KCNJ16: variants seen among roughly 807,000 people sequenced by gnomAD.
KCNJ16 encodes inward rectifier potassium channel 16.
KCNJ16 carries 15 observed loss-of-function variants against 18.5 expected under a neutral mutation model. The ratio of observed to expected loss-of-function variants is 0.81; its 90% CI spans 0.54 to 1.25. The LOEUF (loss-of-function observed/expected upper bound fraction) is 1.25, where lower values mean the gene tolerates loss of function less well. Ranked by LOEUF, KCNJ16 falls within the 50% of genes most tolerant of loss-of-function variation. KCNJ16 has a pLI of 0.00. For missense variants in KCNJ16, 523 were observed against 525.7 expected, an observed-to-expected ratio of 0.99 and a Z score of 0.05; for synonymous variants, 174 against 186.5, an observed-to-expected ratio of 0.93 and a Z score of 0.55.
chr17:70,117,752 A>G (rs150230086), intron 2 of KCNJ16, among the ~76,000 whole-genome samples: 14 of 152,326 alleles, frequency 9.2e-5, no homozygotes, highest in African/African-American at 3.1e-4. Context: ...GTGCCTATAT[A>G]TCACATATTG....
chr17:70,095,870 C>CTCTTTTTTT (rs1567784556), intron 1 of KCNJ16, among the ~76,000 whole-genome samples: 1 of 95,390 alleles, frequency 1.0e-5, no homozygotes, highest in African/African-American at 4.1e-5. Context: ...TTACTTAATC[C>CTCTTTTTTT]TTTTTTTTTT....
Position 70,134,517 on chromosome 17 carries a change from A to AT in KCNJ16, c.*1174dup, listed in dbSNP as rs2074166652. On this transcript the variant is annotated 3_prime_UTR_variant, in exon 4 of 4. Transcript: ENST00000392671. ...ACAGTAAGTGGATAATCTGAGTACAATGAAATTTCTTAAGTTTTAGAACAT... is the reference window on the plus strand; with the variant it reads ...ACAGTAAGTGGATAATCTGAGTACAATTGAAATTTCTTAAGTTTTAGAACAT... 1 of 166,988 alleles carries AT rather than the reference A, an allele frequency of 6.0e-6. No individual in the cohort carries two copies. Among genetic ancestry groups the AT allele is most frequent in the South Asian group, 2.1e-4 (1 of 4,828 alleles). The allele number at this position is 166,988 out of a possible 1,614,324, so 10.3% of individuals were successfully genotyped here. A position where few individuals can be genotyped will look rare whatever the true frequency, so the allele number is the denominator to read the frequency against.
At chr17:70,112,125 T>C (rs2144020449) in intron 2 of KCNJ16, among the ~76,000 whole-genome samples, 1 of 152,310 alleles carries the variant, frequency 6.6e-6, no homozygotes, top group Admixed American at 6.5e-5. Flanking sequence ...CAGGTGCCCC[T>C]GGGACCAAGA....
chr17:70,084,410 G>A (rs111744525), intron 1 of KCNJ16, among the ~76,000 whole-genome samples: 16 of 152,090 alleles, frequency 1.1e-4, no homozygotes, highest in African/African-American at 3.4e-4. Flanking sequence ...ATGATAGAAC[G>A]GCTTGCTTCT....
intron 2 of KCNJ16, among the ~76,000 whole-genome samples, chr17:70,102,707 C>T (rs2072699581): frequency 6.6e-6 from 1 of 152,108 alleles, no homozygotes; most frequent in African/African-American, 2.4e-5. Context: ...CATTTTTCTA[C>T]CCCATTTGAC....
rs2073112790 is a variant in KCNJ16 at position 70,109,974 on chromosome 17, A to T, written c.-191+9208A>T. Among the ~76,000 whole-genome samples the T allele has an allele frequency of 1.3e-5, 2 of 152,136 alleles. 1 individual carries two copies. The highest frequency in any genetic ancestry group is 4.1e-4 in the South Asian group (2 of 4,830). On this transcript the variant is annotated intron_variant, in intron 2 of 3. Coordinates refer to ENST00000392671, the MANE Select transcript of KCNJ16 (RefSeq NM_170741.4). ...GGCCATCTGCACCTACAATGTCAGG[A>T]GATATACCCTCTTCAAAGGGGAAGG...
chr17:70,103,714 A>AT (rs564983452), intron 2 of KCNJ16, among the ~76,000 whole-genome samples: 159 of 152,072 alleles, frequency 1.0e-3, no homozygotes, highest in African/African-American at 3.6e-3. Context: ...TTCCAATCTT[A>AT]TATTTCCATT....
At chr17:70,085,337 A>G (rs966526648) in intron 1 of KCNJ16, among the ~76,000 whole-genome samples, 5 of 152,238 alleles carry the variant, frequency 3.3e-5, no homozygotes, top group Non-Finnish European at 7.3e-5. Context: ...TTCGGTCTTC[A>G]TAACAGACTT....
At chr17:70,123,966 C>T (rs147936516) in intron 2 of KCNJ16, among the ~76,000 whole-genome samples, 227 of 152,286 alleles carry the variant, frequency 1.5e-3, no homozygotes, top group Non-Finnish European at 2.9e-3. Context: ...AATGCAGATG[C>T]GTTCCTGTAA....
At chr17:70,092,553 G>C (rs1287156672) in intron 1 of KCNJ16, among the ~76,000 whole-genome samples, 4 of 67,758 alleles carry the variant, frequency 5.9e-5, no homozygotes, top group Non-Finnish European at 6.8e-5. Flanking sequence ...GATAGATATA[G>C]ATAGATGATA....
chr17:70,131,249 G>A, intron 3 of KCNJ16: 1 of 774,124 alleles, frequency 1.3e-6, no homozygotes, highest in Non-Finnish European at 1.8e-6. Context: ...AATGTTATGA[G>A]ACAAAGACAG....
At chr17:70,079,186 A>G (rs1270692752) in intron 1 of KCNJ16, among the ~76,000 whole-genome samples, 1 of 152,180 alleles carries the variant, frequency 6.6e-6, no homozygotes, top group Non-Finnish European at 1.5e-5. Context: ...GTAAGAGTTG[A>G]CATTGCAGTA....
intron 2 of KCNJ16, chr17:70,101,973 G>C (rs1226378700): frequency 6.6e-6 from 1 of 151,730 alleles, no homozygotes; most frequent in African/African-American, 2.4e-5. Context: ...TAAAAGCAAT[G>C]ATTTAAGAAT....
chr17:70,103,473 C>G (rs1172316982), intron 2 of KCNJ16, among the ~76,000 whole-genome samples: 1 of 151,570 alleles, frequency 6.6e-6, no homozygotes, highest in African/African-American at 2.4e-5. Context: ...GACCACACTG[C>G]CTTTTGCTTG....
At chr17:70,103,283 T>TATATATGTGTG (rs2072736170) in intron 2 of KCNJ16, among the ~76,000 whole-genome samples, 1 of 22,858 alleles carries the variant, frequency 4.4e-5, no homozygotes, top group East Asian at 3.2e-3. Flanking sequence ...ATAATATGCA[T>TATATATGTGTG]ATATGTGTGT....
rs368559073 is a variant in KCNJ16 at position 70,133,154 on chromosome 17, C to G, written c.1067C>G (p.Ala356Gly). 1.2e-6 allele frequency: 2 copies of G among 1,614,196 alleles called. No individual in the cohort carries two copies. Among genetic ancestry groups the G allele is most frequent in the South Asian group, 2.2e-5 (2 of 91,084 alleles). ...GACCAGCAGCTCCACATAGAAAAAG[C>G]ACCACCAGTTCGAGAATCCTGCACG... ...WKDQQLHIEK[A>G]PPVRESCTSD... The change falls in exon 4 of 4, where the codon GCA (alanine) becomes GGA (glycine). Residue 356 changes from alanine to glycine, a missense_variant. Coordinates refer to ENST00000392671, the MANE Select transcript of KCNJ16 (RefSeq NM_170741.4).
intron 2 of KCNJ16, among the ~76,000 whole-genome samples, chr17:70,103,294 GTGTATATA>G (rs2072743571): frequency 4.2e-5 from 1 of 23,670 alleles, no homozygotes; most frequent in Admixed American, 4.2e-4. Context: ...ATATGTGTGT[GTGTATATA>G]TATATATATA....
Position 70,132,868 on chromosome 17 carries a change from A to G in KCNJ16, c.781A>G (p.Ser261Gly). 6.2e-7 allele frequency: 1 copy of G among 1,614,148 alleles called. No individual in the cohort carries two copies. Among genetic ancestry groups the G allele is most frequent in the Non-Finnish European group, 8.5e-7 (1 of 1,180,040 alleles). Residue 261 changes from serine to glycine, a missense_variant, in exon 4 of 4, where the codon AGC (serine) becomes GGC (glycine). Coordinates refer to ENST00000392671, the MANE Select transcript of KCNJ16 (RefSeq NM_170741.4). ...VTIVHEIDHE[S>G]PLYALDRKAV... ...TATTGTCCATGAAATTGACCATGAG[A>G]GCCCTCTGTATGCCCTTGACCGCAA...
chr17:70,110,191 T>C (rs532356352), intron 2 of KCNJ16, among the ~76,000 whole-genome samples: 1 of 152,320 alleles, frequency 6.6e-6, no homozygotes, highest in African/African-American at 2.4e-5. Flanking sequence ...CTTCATTTCA[T>C]TAATGCAGGG....
Sources: allele counts gnomAD v4.1 joint callset (sites outside exome capture counted in the v4.1 genomes callset), GRCh38; gene constraint gnomAD v4.1.1; transcripts MANE v1.5; gene names NCBI Gene and HGNC (gene_info 2026-07-23, HGNC 2026-07-21).